Variants in DPP4 observed in about 807,000 individuals in gnomAD.
The protein encoded by DPP4 is dipeptidyl peptidase 4.
Under a neutral mutation model 122.4 loss-of-function variants are expected in DPP4, and 93 were observed. The ratio of observed to expected loss-of-function variants is 0.76; its 90% CI spans 0.64 to 0.90. The LOEUF is 0.90. Ranked by LOEUF, DPP4 falls within the 40% of genes least tolerant of loss-of-function variation. The probability of loss-of-function intolerance (pLI) is 0.00; values close to 1 mark genes in which losing one functional copy is unlikely to be tolerated. For synonymous variants in DPP4, 321 were observed against 302.9 expected (o/e 1.06, Z -0.62); for missense variants, 914 against 907.3 (o/e 1.01, Z -0.09).
At chr2:162,064,149 A>G (rs1324214482) in intron 2 of DPP4, among the ~76,000 whole-genome samples, 1 of 152,186 alleles carries the variant, frequency 6.6e-6, no homozygotes, top group East Asian at 1.9e-4. Context: ...ATGAATGAGC[A>G]TATGGAGGAG....
At position 161,993,209 on chromosome 2, in the gene DPP4, G is replaced by T; in HGVS notation, c.*74C>A. ...GTATTTTAAAGATCATCATCATCTT[G>T]ACAGTGCAGTTTTGAGATAATGAAA... On this transcript the variant is annotated 3_prime_UTR_variant, in exon 26 of 26. Transcript: ENST00000360534. The T allele has an allele frequency of 8.8e-7, 1 of 1,137,588 alleles. No individual in the cohort carries two copies. Among genetic ancestry groups the T allele is most frequent in the Non-Finnish European group, 1.3e-6 (1 of 752,436 alleles). 70.5% of individuals were successfully genotyped at this position (1,137,588 alleles called of 1,614,324 possible).
At chr2:162,066,525 A>G (rs1684952979) in intron 2 of DPP4, among the ~76,000 whole-genome samples, 1 of 152,138 alleles carries the variant, frequency 6.6e-6, no homozygotes, top group Admixed American at 6.6e-5. Flanking sequence ...ACCATCTGAA[A>G]TTATTTCTGC....
At position 161,995,202 on chromosome 2, in the gene DPP4, G is replaced by A. The variant is rs576139172; in HGVS notation, c.2125+98C>T. On this transcript the variant is annotated intron_variant, in intron 24 of 25. Transcript: ENST00000360534. ...TGGAAAGCAACACTGTTTTATTGAA[G>A]TAAATGTAACAGTCTTGCCCCTCAT... 8 of 1,338,090 alleles carry A rather than the reference G, an allele frequency of 6.0e-6. No individual in the cohort carries two copies. In the South Asian group the frequency reaches 8.3e-5, roughly 14 times the overall value. 82.9% of individuals were successfully genotyped at this position (1,338,090 alleles called of 1,614,324 possible).
At chr2:161,994,847 T>G in intron 25 of DPP4, 114 bp downstream of exon 25, 1 of 959,888 alleles carries the variant, frequency 1.0e-6, no homozygotes, top group Non-Finnish European at 1.6e-6. Flanking sequence ...GAAAAAAAAA[T>G]TTTTAATGTT....
rs576814138 is a variant in DPP4 at position 162,050,652 on chromosome 2, A to G, written c.95-3151T>C. Among the ~76,000 whole-genome samples the G allele has an allele frequency of 2.8e-3, 433 of 152,348 alleles. 2 individuals are homozygous for G. The highest frequency in any genetic ancestry group is 6.8e-3 in the Middle Eastern group (2 of 294). On this transcript the variant is annotated intron_variant, in intron 2 of 25. Coordinates refer to ENST00000360534, the MANE Select transcript of DPP4 (RefSeq NM_001935.4). Reference sequence around the variant, plus strand: ...TCCAAGAGAAGAGCGGCTAAATTGGAGCAAGCAGAGCAACACAAATGTTCC... The same window carrying G: ...TCCAAGAGAAGAGCGGCTAAATTGGGGCAAGCAGAGCAACACAAATGTTCC...
At chr2:162,005,721 T>C (rs755142643) in intron 23 of DPP4, 24 bp downstream of exon 23, 1 of 1,591,516 alleles carries the variant, frequency 6.3e-7, no homozygotes, top group South Asian at 1.1e-5. Flanking sequence ...GGTTATAAAA[T>C]AGGTATAGGT....
intron 10 of DPP4, among the ~76,000 whole-genome samples, chr2:162,033,337 A>G (rs1171409056): frequency 6.6e-6 from 1 of 152,056 alleles, no homozygotes; most frequent in Non-Finnish European, 1.5e-5. Context: ...TGCTCTGTCC[A>G]TTGTCATCCT....
chr2:161,996,068 G>T (rs1453700486), intron 23 of DPP4, among the ~76,000 whole-genome samples: 2 of 151,416 alleles, frequency 1.3e-5, no homozygotes, highest in Admixed American at 1.3e-4. Context: ...AATTAGCCAA[G>T]AAATAGGATA....
chr2:162,060,169 T>G lies in DPP4; in HGVS notation c.95-12668A>C, dbSNP rs535253681. On this transcript the variant is annotated intron_variant, in intron 2 of 25. Coordinates refer to ENST00000360534, the MANE Select transcript of DPP4 (RefSeq NM_001935.4). ...GCATGTGGTAAATGCTTTCTTGGCA[T>G]TTTTTTGTGAATTGGTGGAGATGAA... is the stretch of plus-strand genomic sequence containing the variant. Among the ~76,000 whole-genome samples, 8 of 152,322 alleles carry G rather than the reference T, an allele frequency of 5.3e-5. No homozygotes were observed. In the East Asian group the frequency reaches 1.5e-3, roughly 29 times the overall value.
At chr2:162,038,917 TA>T (rs1559718246) in intron 7 of DPP4, 31 bp downstream of exon 7, 42 of 1,603,418 alleles carry the variant, frequency 2.6e-5, no homozygotes, top group Non-Finnish European at 3.6e-5. Context: ...TTTGAGCCTA[TA>T]TTTTTCTGAC....
At chr2:162,050,901 C>T (rs1684360082) in intron 2 of DPP4, among the ~76,000 whole-genome samples, 1 of 152,194 alleles carries the variant, frequency 6.6e-6, no homozygotes, top group Non-Finnish European at 1.5e-5. Context: ...ACTGCTGCGG[C>T]AGCAGATGAA....
chr2:162,013,686 G>A (rs1000756606), intron 19 of DPP4, among the ~76,000 whole-genome samples: 1 of 152,130 alleles, frequency 6.6e-6, no homozygotes, highest in African/African-American at 2.4e-5. Context: ...CCCTGCACTA[G>A]TGTTGTTTCA....
At chr2:162,071,926 G>A (rs1039582675) in intron 2 of DPP4, among the ~76,000 whole-genome samples, 5 of 152,176 alleles carry the variant, frequency 3.3e-5, no homozygotes, top group Non-Finnish European at 7.3e-5. Flanking sequence ...CGGAAGTTCT[G>A]ATAATTACAG....
rs1277130823 is a variant in DPP4 at position 161,992,884 on chromosome 2, C to G, written c.*399G>C. Reference sequence around the variant, plus strand: ...CTAATCCCTCTTATCCTGTCCCTGCCCTAGTGACATCACTGCCCACATCTT... The same window carrying G: ...CTAATCCCTCTTATCCTGTCCCTGCGCTAGTGACATCACTGCCCACATCTT... On this transcript the variant is annotated 3_prime_UTR_variant, in exon 26 of 26. Transcript: ENST00000360534. 5.1e-6 allele frequency: 1 copy of G among 196,660 alleles called. No homozygotes were observed. Among genetic ancestry groups the G allele is most frequent in the East Asian group, 1.2e-4 (1 of 8,264 alleles). 12.2% of individuals were successfully genotyped at this position (196,660 alleles called of 1,614,324 possible). A position where few individuals can be genotyped will look rare whatever the true frequency, so the allele number is the denominator to read the frequency against.
At chr2:162,037,315 C>G (rs1263791275) in intron 8 of DPP4, among the ~76,000 whole-genome samples, 1 of 152,172 alleles carries the variant, frequency 6.6e-6, no homozygotes, top group Non-Finnish European at 1.5e-5. Flanking sequence ...GTCAAGGATC[C>G]TGGAGGCTGG....
At chr2:162,008,168 C>T (rs929665308) in intron 22 of DPP4, among the ~76,000 whole-genome samples, 1 of 152,154 alleles carries the variant, frequency 6.6e-6, no homozygotes, top group Non-Finnish European at 1.5e-5. Context: ...CTCCTCTCCT[C>T]TTCCCATCCA....
At chr2:162,026,275 A>AT (rs977562637) in intron 10 of DPP4, among the ~76,000 whole-genome samples, 4 of 152,234 alleles carry the variant, frequency 2.6e-5, no homozygotes, top group African/African-American at 9.6e-5. Context: ...TAATGTGCGA[A>AT]TGTGCCTGGT....
At chr2:162,068,265 G>A (rs114526604) in intron 2 of DPP4, among the ~76,000 whole-genome samples, 2,669 of 152,168 alleles carry the variant, frequency 0.018, 37 homozygotes, top group South Asian at 0.038. Context: ...TTATAATATC[G>A]CTATGCAAAT....
At chr2:162,031,646 A>C (rs1683554513) in intron 10 of DPP4, among the ~76,000 whole-genome samples, 2 of 152,110 alleles carry the variant, frequency 1.3e-5, no homozygotes, top group Non-Finnish European at 2.9e-5. Context: ...CAACCTGCTC[A>C]ATCTGCACAT....
Sources: allele counts gnomAD v4.1 joint callset (sites outside exome capture counted in the v4.1 genomes callset), GRCh38; gene constraint gnomAD v4.1.1; transcripts MANE v1.5; gene names NCBI Gene and HGNC (gene_info 2026-07-23, HGNC 2026-07-21).